Variants in MTCL3 observed in about 807,000 individuals in gnomAD.
MTCL3 encodes MTCL family member 3.
At chr6:127,498,781 C>A in the MTCL3 span, among the ~76,000 whole-genome samples, 1 of 151,852 alleles carries the variant, frequency 6.6e-6, no homozygotes, top group Non-Finnish European at 1.5e-5. Context: ...AGGGATGAAC[C>A]TCAAAAACAC....
chr6:127,516,163 T>A, the MTCL3 span: 1 of 1,439,078 alleles, frequency 6.9e-7, no homozygotes, highest in Non-Finnish European at 9.1e-7. Flanking sequence ...GGGCACGGAC[T>A]CTAGCTCCCG....
the MTCL3 span, chr6:127,516,031 C>A: frequency 3.4e-5 from 54 of 1,573,768 alleles, no homozygotes; most frequent in South Asian, 4.4e-4. Flanking sequence ...CCCTCGCCAG[C>A]CCCTGGGCGG....
chr6:127,479,024 A>G, the MTCL3 span, among the ~76,000 whole-genome samples: 1 of 151,692 alleles, frequency 6.6e-6, no homozygotes, highest in Admixed American at 6.6e-5. Flanking sequence ...CTAAAAAAAA[A>G]AAAAAAAAAA....
chr6:127,511,160 G>A, the MTCL3 span, among the ~76,000 whole-genome samples: 1 of 152,170 alleles, frequency 6.6e-6, no homozygotes, highest in African/African-American at 2.4e-5. Context: ...AGGGAGGCCT[G>A]GAACATATCC....
At chr6:127,515,812 C>T in the MTCL3 span, 2 of 1,609,824 alleles carry the variant, frequency 1.2e-6, no homozygotes, top group Non-Finnish European at 1.7e-6. This position sits in a 1 kb window ranked among gnomAD's most constrained non-coding sequence, Gnocchi z 4.3. Flanking sequence ...CGCTGCCGCC[C>T]GCTCCTTCTT....
the MTCL3 span, among the ~76,000 whole-genome samples, chr6:127,501,739 A>T: frequency 1.3e-5 from 2 of 152,200 alleles, no homozygotes; most frequent in African/African-American, 4.8e-5. Flanking sequence ...TAAAATGGAA[A>T]ATGTTAGGAA....
At chr6:127,481,604 C>T in the MTCL3 span, 1 of 431,434 alleles carries the variant, frequency 2.3e-6, no homozygotes, top group Non-Finnish European at 3.1e-6. Flanking sequence ...TTTAAAATCA[C>T]TTTAGTTAAA....
chr6:127,487,165 C>T, the MTCL3 span, among the ~76,000 whole-genome samples: 3 of 152,246 alleles, frequency 2.0e-5, no homozygotes, highest in Admixed American at 1.3e-4. Context: ...AGTGTTAGAA[C>T]CAGGATGCAA....
At chr6:127,507,584 C>T in the MTCL3 span, among the ~76,000 whole-genome samples, 6 of 151,980 alleles carry the variant, frequency 3.9e-5, no homozygotes, top group Admixed American at 2.0e-4. Context: ...TACATAAATA[C>T]ATCTTTAAAA....
At chr6:127,488,022 A>G in the MTCL3 span, among the ~76,000 whole-genome samples, 7 of 151,716 alleles carry the variant, frequency 4.6e-5, no homozygotes, top group African/African-American at 1.7e-4. Flanking sequence ...TGGTCACCCC[A>G]CCCCCCAATC....
At chr6:127,515,134 A>T in the MTCL3 span, 2 of 1,208,698 alleles carry the variant, frequency 1.7e-6, no homozygotes, top group Non-Finnish European at 2.4e-6. The surrounding 1 kb of genome is among the most constrained non-coding windows in gnomAD (Gnocchi z 4.3). Flanking sequence ...CCAATTCCAA[A>T]TTCTCAGCTT....
At chr6:127,477,278 A>G in the MTCL3 span, among the ~76,000 whole-genome samples, 90 of 152,186 alleles carry the variant, frequency 5.9e-4, 1 homozygote, top group Admixed American at 5.9e-3. Context: ...GGAACTATAG[A>G]AGTTCTTCTC....
At chr6:127,516,635 C>G in the MTCL3 span, 25 of 1,589,922 alleles carry the variant, frequency 1.6e-5, no homozygotes, top group Non-Finnish European at 4.3e-6. Context: ...CTACCAGATG[C>G]GATTTGGAAG....
chr6:127,515,655 C>A, the MTCL3 span: 1 of 1,479,788 alleles, frequency 6.8e-7, no homozygotes, highest in Non-Finnish European at 8.9e-7. This position sits in a 1 kb window ranked among gnomAD's most constrained non-coding sequence, Gnocchi z 4.3. Flanking sequence ...CCTCTGCGCT[C>A]TGCTGGGGGC....
At chr6:127,499,601 T>C in the MTCL3 span, among the ~76,000 whole-genome samples, 1 of 152,226 alleles carries the variant, frequency 6.6e-6, no homozygotes, top group Non-Finnish European at 1.5e-5. Context: ...AAGGTCTGTA[T>C]GTTCTGGACA....
the MTCL3 span, chr6:127,515,393 T>G: frequency 1.3e-5 from 12 of 957,530 alleles, no homozygotes; most frequent in Non-Finnish European, 1.8e-5. This position sits in a 1 kb window ranked among gnomAD's most constrained non-coding sequence, Gnocchi z 4.3. Context: ...TCCTTTCTTG[T>G]TCTCCTCCCT....
the MTCL3 span, among the ~76,000 whole-genome samples, chr6:127,513,568 G>A: frequency 6.6e-6 from 1 of 152,188 alleles, no homozygotes; most frequent in African/African-American, 2.4e-5. Context: ...TTGAATTCCA[G>A]TTGCTTAATC....
the MTCL3 span, chr6:127,476,372 T>C: frequency 1.2e-6 from 2 of 1,614,204 alleles, no homozygotes; most frequent in Non-Finnish European, 1.7e-6. This position sits in a 1 kb window ranked among gnomAD's most constrained non-coding sequence, Gnocchi z 4.4. Flanking sequence ...TGTTCAAATC[T>C]GTCCTTTTCT....
At chr6:127,514,297 A>C in the MTCL3 span, among the ~76,000 whole-genome samples, 1 of 152,202 alleles carries the variant, frequency 6.6e-6, no homozygotes, top group Non-Finnish European at 1.5e-5. Flanking sequence ...GGAGTCACCT[A>C]AGTGGCAAGT....
Sources: allele counts gnomAD v4.1 joint callset (sites outside exome capture counted in the v4.1 genomes callset), GRCh38; gene constraint gnomAD v4.1.1; non-coding constraint Gnocchi (gnomAD v3.1); transcripts MANE v1.5; gene names NCBI Gene and HGNC (gene_info 2026-07-23, HGNC 2026-07-21).